NUP98: variants seen among roughly 807,000 people sequenced by gnomAD.
The protein encoded by NUP98 is nucleoporin 98 and 96 precursor.
Under a neutral mutation model 191.9 loss-of-function variants are expected in NUP98, and 26 were observed. The observed-to-expected ratio is 0.14, with a 90% CI of 0.10 to 0.19. NUP98 has a LOEUF of 0.19. Among genes scored for constraint, NUP98 ranks in the 10% least tolerant of loss-of-function variants. NUP98 has a pLI of 1.00. For missense variants in NUP98, 1,941 were observed against 2,178.8 expected, an observed-to-expected ratio of 0.89 and a Z score of 2.17; for synonymous variants, 808 against 778.4, an observed-to-expected ratio of 1.04 and a Z score of -0.63.
chr11:3,780,857 A>C (rs1443406986), intron 2 of NUP98, among the ~76,000 whole-genome samples: 6 of 151,968 alleles, frequency 3.9e-5, no homozygotes, highest in Non-Finnish European at 7.4e-5. Flanking sequence ...AGGCGGGCAG[A>C]TTGCTTGAGG....
intron 11 of NUP98, among the ~76,000 whole-genome samples, chr11:3,746,294 A>AAAAAAAAAAAAAAAACG (rs144936005): frequency 1.1e-5 from 1 of 93,086 alleles, no homozygotes; most frequent in Non-Finnish European, 2.0e-5. Flanking sequence ...AAAAAAAAAA[A>AAAAAAAAAAAAAAAACG]GACAGCTTTG....
intron 11 of NUP98, among the ~76,000 whole-genome samples, chr11:3,746,194 G>A (rs916591847): frequency 5.3e-5 from 8 of 150,124 alleles, no homozygotes; most frequent in Non-Finnish European, 1.0e-4. Context: ...GCTTGAACCC[G>A]GGAGGTGGAG....
At chr11:3,737,116 C>A (rs1044496072) in intron 12 of NUP98, among the ~76,000 whole-genome samples, 1 of 152,076 alleles carries the variant, frequency 6.6e-6, no homozygotes, top group Admixed American at 6.6e-5. Context: ...AAGATAAAAT[C>A]TCTTTCCAAA....
intron 12 of NUP98, among the ~76,000 whole-genome samples, chr11:3,743,403 T>A (rs924494088): frequency 6.8e-6 from 1 of 147,930 alleles, no homozygotes; most frequent in East Asian, 2.1e-4. Context: ...TCCCAGCACT[T>A]TGGGAGGCCG....
chr11:3,737,299 T>G (rs1589841557), intron 12 of NUP98, among the ~76,000 whole-genome samples: 3 of 124,472 alleles, frequency 2.4e-5, no homozygotes, highest in Admixed American at 8.8e-5. Context: ...GGGGAGTGGG[T>G]GGAGAACAAA....
intron 7 of NUP98, 145 bp from the exon 8 acceptor site, chr11:3,768,889 G>A (rs1208980869): frequency 3.6e-6 from 2 of 551,914 alleles, no homozygotes; most frequent in East Asian, 3.2e-5. Context: ...TCATCTTTTC[G>A]TTTTCCATCC....
rs1168436795 is a variant in NUP98, at chr11:3,725,106, T to C, written c.1844A>G (p.Glu615Gly). 2 of 1,404,004 alleles carry C rather than the reference T, an allele frequency of 1.4e-6. No individual in the cohort carries two copies. The highest frequency in any genetic ancestry group is 2.0e-6 in the Non-Finnish European group (2 of 990,460). The allele number at this position is 1,404,004 out of a possible 1,614,324, so 87.0% of individuals were successfully genotyped here. The change falls in exon 15 of 33, where the codon GAG becomes GGG. Residue 615 changes from glutamate (E) to glycine (G), a missense_variant. Around this residue, in one of 6 missense-constraint regions of NUP98, gnomAD observed 453 missense variants for 438.2 expected, o/e 1.03. Coordinates refer to ENST00000324932, the MANE Select transcript of NUP98 (RefSeq NM_016320.5). ...CTCAAAACAGAATTCAGTGTACCTC[T>C]CTCCATTTTCTGGATATTCAGATGG... ...ASPSEYPENGERFSFLSKPVD... is the reference protein window; with the variant it reads ...ASPSEYPENGGRFSFLSKPVD...
chr11:3,723,277 T>C lies in NUP98; in HGVS notation c.2026A>G (p.Met676Val). The change falls in exon 16 of 33, where the codon ATG (methionine) becomes GTG (valine). Residue 676 changes from methionine (M) to valine (V), a missense_variant. By Grantham distance (21) the Met-to-Val change is conservative. Coordinates refer to ENST00000324932, the MANE Select transcript of NUP98 (RefSeq NM_016320.5). Reference sequence around the variant, plus strand: ...AGCCCATTTCGCAAAGCAGCACGCATGTTTAATGCAACAATGGTATCATCC... The same window carrying C: ...AGCCCATTTCGCAAAGCAGCACGCACGTTTAATGCAACAATGGTATCATCC... ...SVDDTIVALN[M>V]RAALRNGLEG... 1 of 1,614,106 alleles carries C rather than the reference T, an allele frequency of 6.2e-7. No individual in the cohort carries two copies. Among genetic ancestry groups the C allele is most frequent in the Non-Finnish European group, 8.5e-7 (1 of 1,180,016 alleles).
intron 9 of NUP98, 94 bp from the exon 10 acceptor site, chr11:3,760,720 G>C: frequency 1.1e-6 from 1 of 942,874 alleles, no homozygotes; most frequent in Non-Finnish European, 1.6e-6. Flanking sequence ...GTTGGGTATG[G>C]GGTGGGAGAA....
At chr11:3,749,078 G>A (rs2080629269) in intron 11 of NUP98, among the ~76,000 whole-genome samples, 1 of 151,872 alleles carries the variant, frequency 6.6e-6, no homozygotes, top group African/African-American at 2.4e-5. Context: ...GGAGGCCGAG[G>A]CGGGTGGATC....
chr11:3,791,299 G>A (rs1323782927), intron 1 of NUP98, among the ~76,000 whole-genome samples: 5 of 151,842 alleles, frequency 3.3e-5, no homozygotes, highest in African/African-American at 9.7e-5. Flanking sequence ...TTGGGAGGCC[G>A]AGGCAGGTGG....
chr11:3,700,927 A>T, intron 23 of NUP98, 88 bp from the exon 24 acceptor site: 1 of 873,948 alleles, frequency 1.1e-6, no homozygotes, highest in Non-Finnish European at 1.8e-6. Flanking sequence ...GTTTCTTTTT[A>T]TGATTACAAA....
intron 8 of NUP98, among the ~76,000 whole-genome samples, chr11:3,766,172 C>G (rs1209995659): frequency 6.6e-6 from 1 of 152,078 alleles, no homozygotes; most frequent in African/African-American, 2.4e-5. Context: ...CCCAGAAGCT[C>G]GAGACCAGCC....
At chr11:3,732,338 C>T (rs939808935) in intron 13 of NUP98, among the ~76,000 whole-genome samples, 1 of 152,222 alleles carries the variant, frequency 6.6e-6, no homozygotes, top group African/African-American at 2.4e-5. Flanking sequence ...CCATTCTCTT[C>T]ATCCTATGAG....
intron 4 of NUP98, 65 bp downstream of exon 4, chr11:3,778,808 A>G: frequency 6.7e-7 from 1 of 1,502,222 alleles, no homozygotes; most frequent in South Asian, 1.2e-5. Context: ...AAACGGAGAA[A>G]AGACAACACA....
At chr11:3,694,645 C>A (rs1050527287) in intron 26 of NUP98, among the ~76,000 whole-genome samples, 4 of 151,338 alleles carry the variant, frequency 2.6e-5, no homozygotes, top group African/African-American at 9.7e-5. Context: ...GAGGCTGAGG[C>A]AGAAGAATGA....
chr11:3,735,533 GAC>G (rs2080015050), intron 12 of NUP98, among the ~76,000 whole-genome samples: 1 of 151,932 alleles, frequency 6.6e-6, no homozygotes, highest in Admixed American at 6.6e-5. Context: ...TTTAGGAAGA[GAC>G]ATTTCATAAG....
chr11:3,784,079 AGAT>A (rs2082061771), intron 1 of NUP98, among the ~76,000 whole-genome samples: 1 of 152,164 alleles, frequency 6.6e-6, no homozygotes, highest in South Asian at 2.1e-4. Context: ...TCTGTGACAG[AGAT>A]GATGATTTTT....
At chr11:3,767,275 G>A (rs751636046) in intron 8 of NUP98, among the ~76,000 whole-genome samples, 1 of 150,934 alleles carries the variant, frequency 6.6e-6, no homozygotes. Context: ...CTTTTCATAT[G>A]TTACTGAAAT....
Sources: gnomAD v4.1 joint callset for allele counts (sites outside exome capture counted in the v4.1 genomes callset) on GRCh38, gnomAD v4.1.1 for gene constraint, gnomAD v4.1.1 regional missense constraint, MANE v1.5 for transcripts, NCBI Gene and HGNC (gene_info 2026-07-23, HGNC 2026-07-21) for gene names.